The following BZW2 variants were observed in gnomAD, a reference collection of about 807,000 sequenced individuals.
BZW2 encodes basic leucine zipper and W2 domains 2.
In BZW2, 23 loss-of-function variants were observed where a neutral mutation model predicts 53.2. The ratio of observed to expected loss-of-function variants is 0.43; its 90% confidence interval spans 0.31 to 0.61. The LOEUF is 0.61. Ranked by LOEUF, BZW2 falls within the 20% of genes least tolerant of loss-of-function variation. BZW2 has a pLI of 0.09. For synonymous variants in BZW2, 227 were observed against 186.4 expected, an observed-to-expected ratio of 1.22 and a Z score of -1.77; for missense variants, 409 against 503.1, an observed-to-expected ratio of 0.81 and a Z score of 1.79.
intron 10 of BZW2, among the ~76,000 whole-genome samples, chr7:16,702,958 A>G (rs1256392638): frequency 6.6e-6 from 1 of 152,236 alleles, no homozygotes; most frequent in Non-Finnish European, 1.5e-5. Context: ...TGATCTAATC[A>G]TAAGCATCTT....
intron 1 of BZW2, among the ~76,000 whole-genome samples, chr7:16,654,017 TG>T (rs1240979807): frequency 7.9e-6 from 1 of 126,192 alleles, no homozygotes; most frequent in Non-Finnish European, 1.6e-5. Flanking sequence ...GTGGCCAAGG[TG>T]GGCAGATCAC....
At chr7:16,683,172 G>A (rs1322987000) in intron 5 of BZW2, among the ~76,000 whole-genome samples, 4 of 152,056 alleles carry the variant, frequency 2.6e-5, no homozygotes, top group Non-Finnish European at 1.5e-5. Context: ...CTCCAGCCTG[G>A]GCAACAGAGC....
chr7:16,677,953 C>G (rs2128360178), intron 3 of BZW2, among the ~76,000 whole-genome samples: 1 of 152,206 alleles, frequency 6.6e-6, no homozygotes, highest in Non-Finnish European at 1.5e-5. Flanking sequence ...CTATGCAACA[C>G]CAGATGTCTA....
At chr7:16,671,504 C>T (rs1377495416) in intron 2 of BZW2, among the ~76,000 whole-genome samples, 1 of 152,180 alleles carries the variant, frequency 6.6e-6, no homozygotes, top group Non-Finnish European at 1.5e-5. Flanking sequence ...CCATTATCCA[C>T]AAGAGTACTA....
chr7:16,698,008 C>G (rs753048227), intron 9 of BZW2, 40 bp from the exon 10 acceptor site: 1 of 1,612,410 alleles, frequency 6.2e-7, no homozygotes. Flanking sequence ...TCTGTACCTC[C>G]CACGCAAGTG....
rs543262985 is a variant in BZW2 at position 16,665,544 on chromosome 7, CA to C, written c.58+47del. 316 of 1,595,772 alleles carry C rather than the reference CA, an allele frequency of 2.0e-4. No homozygotes were observed. The African/African-American group carries it at 3.9e-3, about 20-fold the overall frequency. ...GTGTGTGTGTGTTTAAAGTTGTAAC[CA>C]AAATATAAGATTGGAGAAGAATCTG... is the stretch of plus-strand genomic sequence containing the variant. On this transcript the variant is annotated intron_variant, in intron 2 of 11. Transcript: ENST00000258761.
chr7:16,647,544 A>G (rs818581), intron 1 of BZW2, among the ~76,000 whole-genome samples: 105,513 of 152,088 alleles, frequency 0.69, 37,687 homozygotes, highest in African/African-American at 0.87. Flanking sequence ...AGCATTAAAG[A>G]CTGGGACAGA....
intron 3 of BZW2, among the ~76,000 whole-genome samples, chr7:16,676,496 C>T (rs187591497): frequency 7.3e-5 from 11 of 151,636 alleles, no homozygotes; most frequent in African/African-American, 2.4e-4. Flanking sequence ...TGCAGTGAGC[C>T]GAGATCACAC....
At chr7:16,662,587 G>A (rs1219703529) in intron 1 of BZW2, among the ~76,000 whole-genome samples, 1 of 150,740 alleles carries the variant, frequency 6.6e-6, no homozygotes, top group Non-Finnish European at 1.5e-5. Flanking sequence ...CTTTTAGGAA[G>A]GACTCACACT....
chr7:16,655,778 C>T (rs1185064625), intron 1 of BZW2, among the ~76,000 whole-genome samples: 5 of 152,036 alleles, frequency 3.3e-5, no homozygotes, highest in Admixed American at 3.3e-4. Context: ...TATTTGCCTC[C>T]CAAAGTGCTG....
chr7:16,679,657 G>A (rs1782877328), intron 3 of BZW2, among the ~76,000 whole-genome samples: 1 of 152,168 alleles, frequency 6.6e-6, no homozygotes, highest in Non-Finnish European at 1.5e-5. Context: ...TTAAATCAAG[G>A]TGATTATACA....
chr7:16,701,129 G>GA (rs920564253), intron 10 of BZW2, among the ~76,000 whole-genome samples: 1 of 152,040 alleles, frequency 6.6e-6, no homozygotes, highest in Non-Finnish European at 1.5e-5. Context: ...AGTCAGCAAA[G>GA]AAAAAAGTGG....
intron 3 of BZW2, among the ~76,000 whole-genome samples, chr7:16,674,852 G>A (rs17169577): frequency 0.038 from 5,842 of 152,142 alleles, 260 homozygotes; most frequent in African/African-American, 0.11. Context: ...CCTAAAAGCC[G>A]CCTTTCTCAT....
chr7:16,691,416 G>A (rs1247963959), intron 7 of BZW2, among the ~76,000 whole-genome samples: 1 of 152,216 alleles, frequency 6.6e-6, no homozygotes, highest in Non-Finnish European at 1.5e-5. Context: ...ATGAGGCTGT[G>A]GGTTGTCTAT....
chr7:16,657,809 A>T (rs1246575313), intron 1 of BZW2, among the ~76,000 whole-genome samples: 1 of 152,110 alleles, frequency 6.6e-6, no homozygotes, highest in African/African-American at 2.4e-5. Context: ...GAGAGCAGGG[A>T]CCACCTCTGG....
At chr7:16,651,006 A>T (rs944076665) in intron 1 of BZW2, among the ~76,000 whole-genome samples, 1 of 152,220 alleles carries the variant, frequency 6.6e-6, no homozygotes, top group African/African-American at 2.4e-5. Context: ...AGGTGTTTCC[A>T]TTGATGTTTT....
At chr7:16,683,776 A>C (rs1167719331) in intron 5 of BZW2, among the ~76,000 whole-genome samples, 2 of 152,194 alleles carry the variant, frequency 1.3e-5, no homozygotes, top group Non-Finnish European at 2.9e-5. Flanking sequence ...TTCCAATTTT[A>C]GATAACTATC....
chr7:16,696,040 CCTT>C (rs1276910748), intron 8 of BZW2: 3 of 152,164 alleles, frequency 2.0e-5, no homozygotes, highest in African/African-American at 7.2e-5. Context: ...CTGCCCGGCT[CCTT>C]CTGCTTTTGA....
chr7:16,689,121 G>C (rs566675773), intron 6 of BZW2, among the ~76,000 whole-genome samples: 10 of 152,300 alleles, frequency 6.6e-5, no homozygotes, highest in African/African-American at 1.7e-4. Flanking sequence ...AGCTACTTGG[G>C]AGGCTGAGGC....
Sources: allele counts gnomAD v4.1 joint callset (sites outside exome capture counted in the v4.1 genomes callset), GRCh38; gene constraint gnomAD v4.1.1; transcripts MANE v1.5; gene names NCBI Gene and HGNC (gene_info 2026-07-23, HGNC 2026-07-21).